MAST4: variants seen among roughly 807,000 people sequenced by gnomAD.
MAST4 encodes the protein microtubule associated serine/threonine kinase family member 4, also known as microtubule-associated serine/threonine-protein kinase 4.
MAST4 carries 89 observed loss-of-function variants against 162.7 expected under a neutral mutation model. That is an observed-to-expected ratio of 0.55 (90% CI 0.46 to 0.65). The LOEUF (loss-of-function observed/expected upper bound fraction) is 0.65, where lower values mean the gene tolerates loss of function less well. MAST4 is among the 30% of genes least tolerant of loss of function. MAST4 has a pLI of 0.00. For synonymous variants in MAST4, 1,479 were observed against 1,361.1 expected (o/e 1.09, Z -1.91); for missense variants, 3,153 against 3,374.0 (o/e 0.93, Z 1.62).
intron 3 of MAST4, among the ~76,000 whole-genome samples, chr5:66,857,005 T>C (rs543016131): frequency 1.3e-5 from 2 of 152,206 alleles, no homozygotes; most frequent in African/African-American, 2.4e-5. Flanking sequence ...TTGGATATTA[T>C]AAAAAGAAGA....
At chr5:66,900,661 C>T (rs1367160185) in intron 4 of MAST4, among the ~76,000 whole-genome samples, 1 of 152,006 alleles carries the variant, frequency 6.6e-6, no homozygotes. Context: ...GGTCTGGAAA[C>T]ATTTACATTT....
chr5:66,813,855 A>T (rs1447635417), intron 3 of MAST4, among the ~76,000 whole-genome samples: 2 of 152,210 alleles, frequency 1.3e-5, no homozygotes, highest in African/African-American at 4.8e-5. Context: ...TAGTAGTTTG[A>T]TGGGGAGACA....
intron 4 of MAST4, among the ~76,000 whole-genome samples, chr5:67,030,935 G>C (rs1049199023): frequency 1.3e-5 from 2 of 152,046 alleles, no homozygotes; most frequent in Non-Finnish European, 2.9e-5. Context: ...CTGTAGCTTT[G>C]GCTGGTATTT....
intron 1 of MAST4, among the ~76,000 whole-genome samples, chr5:66,730,595 T>C (rs1386009123): frequency 6.6e-6 from 1 of 152,198 alleles, no homozygotes; most frequent in Non-Finnish European, 1.5e-5. Flanking sequence ...TTTAAACAGA[T>C]TCTGAACAGT....
chr5:66,742,322 G>A (rs1301633294), intron 1 of MAST4, among the ~76,000 whole-genome samples: 2 of 152,188 alleles, frequency 1.3e-5, no homozygotes, highest in Non-Finnish European at 2.9e-5. Flanking sequence ...AGCTCATTAA[G>A]TTGTTCCCTG....
intron 1 of MAST4, among the ~76,000 whole-genome samples, chr5:66,656,520 C>T (rs1160601767): frequency 6.6e-6 from 1 of 152,062 alleles, no homozygotes; most frequent in Non-Finnish European, 1.5e-5. Context: ...ACAGGGTTAT[C>T]TGGTCTTTTG....
chr5:67,147,191 C>T (rs1387318531), intron 23 of MAST4, among the ~76,000 whole-genome samples: 1 of 152,092 alleles, frequency 6.6e-6, no homozygotes, highest in Non-Finnish European at 1.5e-5. Flanking sequence ...CCCATACGCA[C>T]ACTAAAAATA....
chr5:66,644,197 A>G (rs1249374087), intron 1 of MAST4, among the ~76,000 whole-genome samples: 2 of 152,068 alleles, frequency 1.3e-5, no homozygotes, highest in Admixed American at 1.3e-4. Flanking sequence ...AACAATATCC[A>G]TAGCTTGTCA....
chr5:66,831,595 CA>C (rs1365370621), intron 3 of MAST4, among the ~76,000 whole-genome samples: 3 of 152,148 alleles, frequency 2.0e-5, no homozygotes, highest in Non-Finnish European at 4.4e-5. Flanking sequence ...TCAGTCAGAA[CA>C]TATAATTTCT....
intron 1 of MAST4, among the ~76,000 whole-genome samples, chr5:66,670,970 C>T (rs1344974929): frequency 6.6e-6 from 1 of 152,100 alleles, no homozygotes; most frequent in Non-Finnish European, 1.5e-5. Flanking sequence ...TATAGGCCTA[C>T]CTCCTTGACA....
At chr5:66,907,680 AG>A (rs1252633199) in intron 4 of MAST4, among the ~76,000 whole-genome samples, 2 of 151,478 alleles carry the variant, frequency 1.3e-5, no homozygotes, top group Non-Finnish European at 1.5e-5. Flanking sequence ...GTTATATATC[AG>A]AAAATACTGC....
chr5:67,163,759 T>G lies in MAST4; in HGVS notation c.4580T>G (p.Leu1527Arg). 1 of 1,610,114 alleles carries G rather than the reference T, an allele frequency of 6.2e-7. No individual in the cohort carries two copies. The highest frequency in any genetic ancestry group is 1.1e-5 in the South Asian group (1 of 90,302). The stretch of plus-strand genomic sequence containing the variant: ...GGCCGCCAGGAGTCTGTGGACGACC[T>G]GGACCGCGACAAGCTGAAGGCCAAG... ...KVGRQESVDD[L>R]DRDKLKAKVV... The change falls in exon 29 of 29, where the codon CTG (leucine) becomes CGG (arginine). Residue 1527 changes from leucine (L) to arginine (R), a missense_variant. By Grantham distance (102) the Leu-to-Arg change is moderately radical. This residue lies in a region of MAST4 where 1,644 missense variants were observed against 1,495.0 expected (regional missense o/e 1.10). Coordinates refer to ENST00000403625, the MANE Select transcript of MAST4 (RefSeq NM_001164664.2). This position sits in a 1 kb window ranked among gnomAD's most constrained non-coding sequence, Gnocchi z 7.0.
chr5:66,699,953 A>G (rs1240162350), intron 1 of MAST4, among the ~76,000 whole-genome samples: 2 of 151,962 alleles, frequency 1.3e-5, no homozygotes, highest in Non-Finnish European at 2.9e-5. Flanking sequence ...TTTGTCTCAT[A>G]GTAGGTATAC....
intron 1 of MAST4, among the ~76,000 whole-genome samples, chr5:66,617,026 C>T (rs1579999366): frequency 6.6e-6 from 1 of 152,256 alleles, no homozygotes; most frequent in East Asian, 1.9e-4. Flanking sequence ...ACATTCATAT[C>T]TGGACTGAAA....
chr5:67,054,616 C>A, intron 5 of MAST4, 124 bp downstream of exon 5: 1 of 856,736 alleles, frequency 1.2e-6, no homozygotes, highest in Non-Finnish European at 1.8e-6. Context: ...GCTGTTTTAT[C>A]CCTAAGTTGT....
At chr5:66,784,474 G>A (rs1466931939) in intron 2 of MAST4, among the ~76,000 whole-genome samples, 2 of 152,078 alleles carry the variant, frequency 1.3e-5, no homozygotes, top group Non-Finnish European at 2.9e-5. Flanking sequence ...CTTCTAAGTT[G>A]AAGTAGCAAA....
chr5:66,809,805 G>A (rs193054857), intron 3 of MAST4, among the ~76,000 whole-genome samples: 1 of 151,996 alleles, frequency 6.6e-6, no homozygotes, highest in East Asian at 1.9e-4. Flanking sequence ...GTGCAATATC[G>A]ACTCACTGCA....
chr5:67,167,031 C>T lies in MAST4; in HGVS notation c.7852C>T (p.Pro2618Ser), dbSNP rs761460311. The T allele has an allele frequency of 8.2e-6, 13 of 1,592,460 alleles. No homozygotes were observed. The highest frequency in any genetic ancestry group is 1.7e-4 in the Middle Eastern group (1 of 5,932). Residue 2618 changes from proline (P) to serine (S), a missense_variant, in exon 29 of 29, where the codon CCT (proline) becomes TCT (serine). Physicochemically the swap from Pro to Ser is moderately conservative, Grantham distance 74. Around this residue, in one of 7 missense-constraint regions of MAST4, gnomAD observed 1,644 missense variants for 1,495.0 expected, o/e 1.10. Transcript: ENST00000403625. ...GGGGAAAGAGAGTTTGCGTAGCAGCCCTCACAAAAAGGCCTTGTAACGGGG... is the reference window on the plus strand; with the variant it reads ...GGGGAAAGAGAGTTTGCGTAGCAGCTCTCACAAAAAGGCCTTGTAACGGGG... ...RRGKESLRSS[P>S]HKKAL
chr5:67,068,845 T>G (rs746252899), intron 5 of MAST4, among the ~76,000 whole-genome samples: 4 of 152,126 alleles, frequency 2.6e-5, no homozygotes, highest in Non-Finnish European at 5.9e-5. Context: ...AAGGTAATAG[T>G]AAGCTAACAG....
Sources: allele counts gnomAD v4.1 joint callset (sites outside exome capture counted in the v4.1 genomes callset), GRCh38; gene constraint gnomAD v4.1.1; regional missense constraint gnomAD v4.1.1; non-coding constraint Gnocchi (gnomAD v3.1); transcripts MANE v1.5; gene names NCBI Gene and HGNC (gene_info 2026-07-23, HGNC 2026-07-21).